Variants in LINGO1 observed in about 807,000 individuals in gnomAD.
LINGO1 encodes leucine rich repeat and Ig domain containing 1.
In LINGO1, 11 loss-of-function variants were observed where a neutral mutation model predicts 37.3. The ratio of observed to expected loss-of-function variants is 0.29; its 90% CI spans 0.19 to 0.49. LINGO1 has a LOEUF of 0.49. Among genes scored for constraint, LINGO1 ranks in the 20% least tolerant of loss-of-function variants. The pLI is 0.99. For synonymous variants in LINGO1, 387 were observed against 403.0 expected (o/e 0.96, Z 0.48); for missense variants, 585 against 878.2 (o/e 0.67, Z 4.22).
rs1003112020 is a variant in LINGO1, at chr15:77,632,911, C to T, written c.-596G>A. ...TCTGCAGCGGCGCGGGGAGGGAGCA[C>T]TAGGAGCGAGCCAGGGAGGGAGGAG... is the stretch of plus-strand genomic sequence containing the variant. On this transcript the variant is annotated 5_prime_UTR_variant, in exon 1 of 2. In the 5' UTR this introduces an upstream ATG that the reference lacks. Transcript: ENST00000355300. The surrounding 1 kb of genome is among the most constrained non-coding windows in gnomAD (Gnocchi z 6.0). 8.0e-5 allele frequency among the ~76,000 whole-genome samples: 12 copies of T among 150,932 alleles called. No individual in the cohort carries two copies. The highest frequency in any genetic ancestry group is 2.0e-4 in the Admixed American group (3 of 15,202).
At chr15:77,741,243 G>A (rs1376137732) in intron 1 of LINGO1, among the ~76,000 whole-genome samples, 1 of 152,230 alleles carries the variant, frequency 6.6e-6, no homozygotes, top group Non-Finnish European at 1.5e-5. Flanking sequence ...TTGCCTTCTA[G>A]GCTTCTGGCC....
intron 1 of LINGO1, among the ~76,000 whole-genome samples, chr15:77,625,437 C>A (rs938208226): frequency 2.6e-5 from 4 of 152,174 alleles, no homozygotes; most frequent in Non-Finnish European, 4.4e-5. Context: ...AAAGAGGTTC[C>A]ATAACTTGCT....
intron 2 of LINGO1, among the ~76,000 whole-genome samples, chr15:77,725,589 A>T (rs1758128115): frequency 1.3e-5 from 2 of 152,158 alleles, no homozygotes; most frequent in Non-Finnish European, 2.9e-5. Context: ...TAAATAATCA[A>T]TGATCTTGTT....
rs759941246 is a variant in LINGO1 at position 77,615,747 on chromosome 15, C to T, written c.160G>A (p.Ala54Thr). 14 of 1,589,798 alleles carry T rather than the reference C, an allele frequency of 8.8e-6. No individual in the cohort carries two copies. In the South Asian group the frequency reaches 1.2e-4, roughly 14 times the overall value. The change falls in exon 2 of 2, where the codon GCT (alanine) becomes ACT (threonine). Residue 54 changes from alanine (A) to threonine (T), a missense_variant. Around this residue, in one of 4 missense-constraint regions of LINGO1, gnomAD observed 484 missense variants for 735.0 expected, o/e 0.66. Transcript: ENST00000355300. ...PRCECSAQDRAVLCHRKRFVA... is the reference protein window; with the variant it reads ...PRCECSAQDRTVLCHRKRFVA... The stretch of plus-strand genomic sequence containing the variant: ...AAGCGCTTGCGGTGGCACAGCACAG[C>T]GCGGTCCTGGGCGGAGCACTCGCAG...
chr15:77,728,172 C>T (rs2076121128), intron 2 of LINGO1, among the ~76,000 whole-genome samples: 1 of 152,232 alleles, frequency 6.6e-6, no homozygotes, highest in Non-Finnish European at 1.5e-5. Context: ...CCTCCTGGCC[C>T]GGCCAGGTCT....
intron 1 of LINGO1, among the ~76,000 whole-genome samples, chr15:77,775,935 T>A (rs1328990579): frequency 1.3e-5 from 2 of 152,046 alleles, no homozygotes; most frequent in Non-Finnish European, 2.9e-5. Context: ...CATGCCCTCA[T>A]TAGCACAACC....
At chr15:77,693,848 T>C (rs976703282) in intron 1 of LINGO1, among the ~76,000 whole-genome samples, 3 of 152,056 alleles carry the variant, frequency 2.0e-5, no homozygotes, top group South Asian at 2.1e-4. Flanking sequence ...GCTTCTACCA[T>C]AGACAAGGAC....
chr15:77,668,510 G>A (rs1267545203), intron 3 of LINGO1, among the ~76,000 whole-genome samples: 1 of 152,256 alleles, frequency 6.6e-6, no homozygotes. Context: ...TCTCCCAGGC[G>A]TGCATACCCC....
At chr15:77,770,129 C>T in intron 1 of LINGO1, among the ~76,000 whole-genome samples, 1 of 152,144 alleles carries the variant, frequency 6.6e-6, no homozygotes, top group East Asian at 1.9e-4. Flanking sequence ...GAGGGGGACC[C>T]TGTGGTGTTC....
chr15:77,713,190 A>T (rs1243302467), intron 2 of LINGO1, among the ~76,000 whole-genome samples: 1 of 149,024 alleles, frequency 6.7e-6, no homozygotes, highest in Non-Finnish European at 1.5e-5. Flanking sequence ...TTACAGGCAC[A>T]CACCACCATG....
chr15:77,746,625 G>A (rs1001675774), intron 1 of LINGO1, among the ~76,000 whole-genome samples: 5 of 152,044 alleles, frequency 3.3e-5, no homozygotes, highest in Non-Finnish European at 7.4e-5. Flanking sequence ...TGGGGGCGAG[G>A]AGCCCTGCCT....
At chr15:77,616,565 T>C (rs894884379) in intron 1 of LINGO1, among the ~76,000 whole-genome samples, 16 of 152,324 alleles carry the variant, frequency 1.1e-4, no homozygotes, top group Non-Finnish European at 2.4e-4. Context: ...ATGGGGTTCC[T>C]GGATTGCTGG....
Position 77,632,459 on chromosome 15 carries a change from C to T in LINGO1, c.-144G>A. ...CCGCCCGGCAGTCCGCGCGCCCTCG[C>T]GGGGCTGGCTGTCCGTCTGTCCGCC... On this transcript the variant is annotated 5_prime_UTR_variant, in exon 1 of 2. Coordinates refer to ENST00000355300, the MANE Select transcript of LINGO1 (RefSeq NM_032808.7). The surrounding 1 kb of genome is among the most constrained non-coding windows in gnomAD (Gnocchi z 6.0). The T allele has an allele frequency of 3.4e-6, 3 of 883,692 alleles. No individual in the cohort carries two copies. The highest frequency in any genetic ancestry group is 4.5e-6 in the Non-Finnish European group (3 of 673,630). The allele number at this position is 883,692 out of a possible 1,614,324, so 54.7% of individuals were successfully genotyped here.
At chr15:77,686,005 G>C (rs2075503707) in intron 2 of LINGO1, among the ~76,000 whole-genome samples, 1 of 152,178 alleles carries the variant, frequency 6.6e-6, no homozygotes, top group South Asian at 2.1e-4. Flanking sequence ...CGGCTGTCTA[G>C]GTGGCTTCTC....
chr15:77,709,942 G>C (rs1292837414), intron 2 of LINGO1, among the ~76,000 whole-genome samples: 2 of 152,222 alleles, frequency 1.3e-5, no homozygotes, highest in African/African-American at 4.8e-5. Context: ...ACCTAGTTTG[G>C]CTTCTGACTG....
In LINGO1 at chr15:77,615,875, C is replaced by T; in HGVS notation, c.32G>A (p.Gly11Asp). 1 of 1,472,328 alleles carries T rather than the reference C, an allele frequency of 6.8e-7. No individual in the cohort carries two copies. Among genetic ancestry groups the T allele is most frequent in the Non-Finnish European group, 8.9e-7 (1 of 1,117,848 alleles). The allele number at this position is 1,472,328 out of a possible 1,614,324, so 91.2% of individuals were successfully genotyped here. A position where few individuals can be genotyped will look rare whatever the true frequency, so the allele number is the denominator to read the frequency against. MQVSKRMLAG[G>D]VRSMPSPLLA... Reference sequence around the variant, plus strand: ...GAGGGGGCTGGGCATGCTCCTCACGCCCCCCGCCAGCATCCTCTTGCTCAC... The same window carrying T: ...GAGGGGGCTGGGCATGCTCCTCACGTCCCCCGCCAGCATCCTCTTGCTCAC... The change falls in exon 2 of 2, where the codon GGC (glycine) becomes GAC (aspartate). Residue 11 changes from glycine to aspartate, a missense_variant. Gly to Asp is a moderately conservative substitution (Grantham distance 94). Transcript: ENST00000355300.
chr15:77,706,202 C>T (rs952607401), intron 2 of LINGO1, among the ~76,000 whole-genome samples: 2 of 152,180 alleles, frequency 1.3e-5, no homozygotes, highest in African/African-American at 2.4e-5. Flanking sequence ...GCAAACATCT[C>T]CACCATCAAC....
At chr15:77,759,168 G>T (rs1260424872) in intron 1 of LINGO1, among the ~76,000 whole-genome samples, 1 of 152,216 alleles carries the variant, frequency 6.6e-6, no homozygotes, top group Non-Finnish European at 1.5e-5. Flanking sequence ...TGTGTGTGCA[G>T]CCACCCATGC....
chr15:77,687,234 G>T (rs532238112), intron 2 of LINGO1, among the ~76,000 whole-genome samples: 60 of 152,284 alleles, frequency 3.9e-4, no homozygotes, highest in African/African-American at 1.3e-3. Flanking sequence ...TCAGGGCTCA[G>T]TGTGAGGCTG....
Sources: gnomAD v4.1 joint callset for allele counts (sites outside exome capture counted in the v4.1 genomes callset) on GRCh38, gnomAD v4.1.1 for gene constraint, gnomAD v4.1.1 regional missense constraint, Gnocchi (gnomAD v3.1) non-coding constraint, MANE v1.5 for transcripts, NCBI Gene and HGNC (gene_info 2026-07-23, HGNC 2026-07-21) for gene names.